Variants in DOP1B observed in about 807,000 individuals in gnomAD.
The protein encoded by DOP1B is DOP1 leucine zipper like protein B, also known as protein DOP1B.
Under a neutral mutation model 233.5 loss-of-function variants are expected in DOP1B, and 174 were observed. That is an observed-to-expected ratio of 0.75 (90% confidence interval 0.66 to 0.85). The LOEUF is 0.85. DOP1B is among the 40% of genes least tolerant of loss of function. The pLI is 0.00. For missense variants in DOP1B, 2,652 were observed against 2,846.6 expected (o/e 0.93, Z 1.56); for synonymous variants, 1,190 against 1,185.6 (o/e 1.00, Z -0.08).
intron 2 of DOP1B, among the ~76,000 whole-genome samples, chr21:36,198,800 A>C (rs947776904): frequency 6.6e-6 from 1 of 152,238 alleles, no homozygotes; most frequent in Non-Finnish European, 1.5e-5. Flanking sequence ...GAGATGGAGA[A>C]GCACACGGCC....
chr21:36,289,424 G>GGTGTGTGTGTGTGTGTGT (rs59907412), intron 35 of DOP1B, among the ~76,000 whole-genome samples: 3 of 144,952 alleles, frequency 2.1e-5, no homozygotes, highest in Admixed American at 1.4e-4. Flanking sequence ...GTGTTTCTAT[G>GGTGTGTGTGTGTGTGTGT]GTGTGTGTGT....
intron 2 of DOP1B, among the ~76,000 whole-genome samples, chr21:36,181,019 C>G (rs572046893): frequency 3.3e-5 from 5 of 152,280 alleles, no homozygotes; most frequent in African/African-American, 1.2e-4. Flanking sequence ...CTCAGGTAGA[C>G]AGGTATACCG....
rs760668299 is a variant in DOP1B, at chr21:36,232,816, C to G, written c.2363C>G (p.Ser788Cys). 23 of 1,612,570 alleles carry G rather than the reference C, an allele frequency of 1.4e-5. 1 individual carries two copies. The Admixed American group carries it at 2.0e-4, about 14-fold the overall frequency. ...GGCTTCCTTTCAGGAGCCGGTGATT[C>G]CAGTTTTCCATCTTGGCTGAAGTCC... ...TLFQLPGAGD[S>C]SFPSWLKSLM... Residue 788 changes from serine (S) to cysteine (C), a missense_variant, in exon 15 of 37, where the codon TCC becomes TGC. Transcript: ENST00000691173.
chr21:36,181,354 C>A (rs1021634310), intron 2 of DOP1B, among the ~76,000 whole-genome samples: 19 of 152,054 alleles, frequency 1.2e-4, no homozygotes, highest in African/African-American at 4.6e-4. Context: ...TCTTGGCTCA[C>A]TGCAACCTCC....
chr21:36,168,105 G>A (rs540269785), intron 2 of DOP1B, among the ~76,000 whole-genome samples: 100 of 151,282 alleles, frequency 6.6e-4, no homozygotes, highest in Admixed American at 1.3e-3. Flanking sequence ...CACCACACCC[G>A]GCTAATTTTT....
At chr21:36,258,540 TTTTTTTTCAGCCA>T (rs1439256497) in intron 23 of DOP1B, among the ~76,000 whole-genome samples, 13 of 152,028 alleles carry the variant, frequency 8.6e-5, no homozygotes, top group Admixed American at 2.0e-4. Flanking sequence ...ATCGGAAGAC[TTTTTTTTCAGCCA>T]TTTTTTTCAG....
intron 9 of DOP1B, among the ~76,000 whole-genome samples, chr21:36,215,138 A>C (rs1239001262): frequency 6.6e-6 from 1 of 152,154 alleles, no homozygotes; most frequent in East Asian, 1.9e-4. Flanking sequence ...TTTCCTTTTT[A>C]AGCCTATTTT....
intron 4 of DOP1B, among the ~76,000 whole-genome samples, chr21:36,202,761 G>A (rs1035570257): frequency 1.3e-5 from 2 of 152,124 alleles, no homozygotes; most frequent in Non-Finnish European, 2.9e-5. Flanking sequence ...GTCTCGTTGC[G>A]GTTTTAAGCC....
rs187150080 is a variant in DOP1B, at chr21:36,239,841, C to A, written c.2953C>A (p.Arg985Ser). 2.4e-5 allele frequency: 38 copies of A among 1,577,740 alleles called. No homozygotes were observed. The East Asian group carries it at 8.9e-4, about 37-fold the overall frequency. Residue 985 changes from arginine (R) to serine (S), a missense_variant, in exon 18 of 37, where the codon CGT (arginine) becomes AGT (serine). Around this residue, in one of 3 missense-constraint regions of DOP1B, gnomAD observed 2,617 missense variants for 2,794.3 expected, o/e 0.94. Transcript: ENST00000691173. ...TGCGGCAGCCCAGGGCTGGCTGGTG[C>A]GTGCGCTCTCCCTCGGGGACGTGGC... is the stretch of plus-strand genomic sequence containing the variant. ...IGAAAQGWLVRALSLGDVARI... is the reference protein window; with the variant it reads ...IGAAAQGWLVSALSLGDVARI...
chr21:36,282,186 C>T (rs941261199), intron 32 of DOP1B, among the ~76,000 whole-genome samples: 2 of 151,926 alleles, frequency 1.3e-5, no homozygotes, highest in African/African-American at 4.8e-5. Context: ...TTTGGGAGGC[C>T]CAGGTGGGTG....
chr21:36,193,905 A>C (rs2066260568), intron 2 of DOP1B, among the ~76,000 whole-genome samples: 1 of 152,164 alleles, frequency 6.6e-6, no homozygotes, highest in Non-Finnish European at 1.5e-5. Flanking sequence ...CTAAGAGGTC[A>C]TGTGTGTGGA....
At chr21:36,174,140 C>G (rs969608723) in intron 2 of DOP1B, among the ~76,000 whole-genome samples, 9 of 152,120 alleles carry the variant, frequency 5.9e-5, no homozygotes, top group African/African-American at 2.2e-4. Context: ...GCTTGGAGAC[C>G]TAGTGAACTA....
At chr21:36,211,309 G>A (rs1055927919) in intron 5 of DOP1B, among the ~76,000 whole-genome samples, 2 of 152,132 alleles carry the variant, frequency 1.3e-5, no homozygotes, top group African/African-American at 4.8e-5. Context: ...ATAGAACCCG[G>A]CCATCTGGTC....
intron 13 of DOP1B, among the ~76,000 whole-genome samples, chr21:36,230,245 A>T (rs1248004891): frequency 2.6e-5 from 4 of 152,164 alleles, no homozygotes; most frequent in African/African-American, 9.7e-5. Flanking sequence ...ATGTGGGTGT[A>T]CCAGCCTCCT....
At chr21:36,288,693 A>G in intron 33 of DOP1B, 63 bp from the exon 34 acceptor site, 2 of 1,271,866 alleles carry the variant, frequency 1.6e-6, no homozygotes, top group Non-Finnish European at 2.2e-6. Flanking sequence ...AAATAAGTAA[A>G]AAAAAATATT....
In DOP1B at chr21:36,227,728, C is replaced by T; in HGVS notation, c.1516C>T (p.Leu506Phe). Residue 506 changes from leucine to phenylalanine, a missense_variant, in exon 13 of 37, where the codon CTC becomes TTC. Coordinates refer to ENST00000691173, the MANE Select transcript of DOP1B (RefSeq NM_001320714.2). The part of the protein sequence containing the change: ...EVQTQYLPQV[L>F]GCLVQPLAED... ...GCAAACCCAGTATCTCCCTCAGGTGCTCGGCTGCCTGGTGCAGCCTCTTGC... is the reference window on the plus strand; with the variant it reads ...GCAAACCCAGTATCTCCCTCAGGTGTTCGGCTGCCTGGTGCAGCCTCTTGC... 2 of 1,604,296 alleles carry T rather than the reference C, an allele frequency of 1.2e-6. No individual in the cohort carries two copies. The highest frequency in any genetic ancestry group is 1.7e-6 in the Non-Finnish European group (2 of 1,173,436).
rs1474220911 is a variant in DOP1B, at chr21:36,230,479, A to G, written c.1695A>G (p.Ile565Met). Residue 565 changes from isoleucine to methionine, a missense_variant, in exon 14 of 37, where the codon ATA (isoleucine) becomes ATG (methionine). By Grantham distance (10) the Ile-to-Met change is conservative. Transcript: ENST00000691173. ...SSPVKGENGKIILETKAVIPG... is the reference protein window; with the variant it reads ...SSPVKGENGKMILETKAVIPG... ...CAGTAAAAGGTGAAAACGGCAAAAT[A>G]ATTTTGGAAACAAAGGCAGTGATTC... 1 of 1,610,698 alleles carries G rather than the reference A, an allele frequency of 6.2e-7. No homozygotes were observed. Among genetic ancestry groups the G allele is most frequent in the Admixed American group, 1.7e-5 (1 of 59,900 alleles).
chr21:36,161,053 G>A (rs558203465), intron 1 of DOP1B, among the ~76,000 whole-genome samples: 2 of 152,194 alleles, frequency 1.3e-5, no homozygotes, highest in East Asian at 1.9e-4. Flanking sequence ...AATCCAACAG[G>A]TAAAGGGGCT....
intron 23 of DOP1B, among the ~76,000 whole-genome samples, chr21:36,254,328 A>G (rs1238806280): frequency 6.6e-6 from 1 of 152,198 alleles, no homozygotes; most frequent in Non-Finnish European, 1.5e-5. Flanking sequence ...TTCAATAACC[A>G]CTGCGGTAAG....
Sources: allele counts gnomAD v4.1 joint callset (sites outside exome capture counted in the v4.1 genomes callset), GRCh38; gene constraint gnomAD v4.1.1; regional missense constraint gnomAD v4.1.1; transcripts MANE v1.5; gene names NCBI Gene and HGNC (gene_info 2026-07-23, HGNC 2026-07-21).